The following FER variants were observed in gnomAD, a reference collection of about 807,000 sequenced individuals.
The protein encoded by FER is FER tyrosine kinase, also known as tyrosine-protein kinase Fer.
In FER, 63 loss-of-function variants were observed where a neutral mutation model predicts 111.0. That is an observed-to-expected ratio of 0.57 (90% confidence interval 0.46 to 0.70). The LOEUF is 0.70. Among genes scored for constraint, FER ranks in the 30% least tolerant of loss-of-function variants. The pLI, the probability that FER is intolerant of heterozygous loss-of-function variation, is 0.00. For missense variants in FER, 914 were observed against 954.0 expected (o/e 0.96, Z 0.55); for synonymous variants, 327 against 313.9 (o/e 1.04, Z -0.44).
intron 17 of FER, among the ~76,000 whole-genome samples, chr5:109,147,475 C>T (rs2126670261): frequency 6.6e-6 from 1 of 151,934 alleles, no homozygotes; most frequent in East Asian, 1.9e-4. Flanking sequence ...AGACTACAGA[C>T]ATGCAACATC....
chr5:109,058,116 T>C (rs550526022), intron 16 of FER, among the ~76,000 whole-genome samples: 2 of 152,174 alleles, frequency 1.3e-5, no homozygotes, highest in Non-Finnish European at 2.9e-5. Flanking sequence ...ATATGATTAT[T>C]TAAATGCAGA....
intron 3 of FER, among the ~76,000 whole-genome samples, chr5:108,824,317 TGTC>T (rs1470420008): frequency 2.0e-5 from 3 of 152,120 alleles, no homozygotes; most frequent in Non-Finnish European, 2.9e-5. Context: ...AAAATTCTAA[TGTC>T]GTTTTTTATC....
intron 17 of FER, among the ~76,000 whole-genome samples, chr5:109,123,545 T>C (rs78479322): frequency 0.042 from 6,381 of 152,160 alleles, 165 homozygotes; most frequent in South Asian, 0.084. Context: ...GTATATCTCT[T>C]GTATGTTTTT....
At chr5:109,164,378 T>C (rs372750483) in intron 17 of FER, among the ~76,000 whole-genome samples, 1 of 152,320 alleles carries the variant, frequency 6.6e-6, no homozygotes. Context: ...TCTTTACTAT[T>C]GTTAACTAAG....
intron 17 of FER, among the ~76,000 whole-genome samples, chr5:109,112,107 G>T (rs1190036003): frequency 6.6e-6 from 1 of 150,976 alleles, no homozygotes; most frequent in Non-Finnish European, 1.5e-5. Flanking sequence ...TTAAAAGAGG[G>T]TTATAATGTT....
chr5:108,980,039 A>T (rs73211567), intron 13 of FER, among the ~76,000 whole-genome samples: 1 of 152,102 alleles, frequency 6.6e-6, no homozygotes, highest in Non-Finnish European at 1.5e-5. Context: ...CTAAATTACA[A>T]AACTTTTGTT....
intron 16 of FER, among the ~76,000 whole-genome samples, chr5:109,091,528 C>T (rs950444930): frequency 5.9e-5 from 9 of 152,290 alleles, no homozygotes; most frequent in East Asian, 3.9e-4. Flanking sequence ...CAGAGAGCCC[C>T]GACTAGAGCA....
At chr5:108,941,804 A>T (rs1756310393) in intron 10 of FER, among the ~76,000 whole-genome samples, 1 of 152,158 alleles carries the variant, frequency 6.6e-6, no homozygotes, top group Non-Finnish European at 1.5e-5. Context: ...TGAAGGATGG[A>T]TGAATAGGCA....
Position 109,105,415 on chromosome 5 carries a change from A to G in FER, c.2048+4896A>G, listed in dbSNP as rs1349664089. ...TACCTAGTGTCTGAGCTTTTCCTAA[A>G]CTGTGAGTATACTGAAAAAGTATTT... On this transcript the variant is annotated intron_variant, in intron 17 of 19. Transcript: ENST00000281092. Among the ~76,000 whole-genome samples, 3 of 152,106 alleles carry G rather than the reference A, an allele frequency of 2.0e-5. No homozygotes were observed. In the East Asian group the frequency reaches 5.8e-4, roughly 29 times the overall value.
intron 17 of FER, among the ~76,000 whole-genome samples, chr5:109,152,609 C>A (rs1038562520): frequency 2.0e-5 from 3 of 151,750 alleles, no homozygotes; most frequent in Admixed American, 6.6e-5. Flanking sequence ...TGTGGGTATA[C>A]AATATATAAA....
In FER at chr5:108,764,855, G is replaced by T. The variant is rs186993937; in HGVS notation, c.-205-3238G>T. ...GAAAGAGAAGTAGAGCCAGGACTAG[G>T]GTAAGGCAAGAGAGTTGCCTAGGAC... On this transcript the variant is annotated intron_variant, in intron 1 of 19. Transcript: ENST00000281092. 2.1e-3 allele frequency among the ~76,000 whole-genome samples: 316 copies of T among 152,236 alleles called. 3 individuals are homozygous for T. The highest frequency in any genetic ancestry group is 7.1e-3 in the African/African-American group (293 of 41,534).
intron 8 of FER, among the ~76,000 whole-genome samples, chr5:108,876,235 A>C (rs538087519): frequency 6.6e-6 from 1 of 152,210 alleles, no homozygotes; most frequent in Non-Finnish European, 1.5e-5. Flanking sequence ...GAAGAATTAT[A>C]TTTTGTGACA....
intron 17 of FER, among the ~76,000 whole-genome samples, chr5:109,145,163 C>T (rs551295872): frequency 5.2e-4 from 79 of 152,080 alleles, no homozygotes; most frequent in Non-Finnish European, 9.4e-4. Flanking sequence ...TCCCTCTCTC[C>T]CTTCCTGGTA....
intron 3 of FER, among the ~76,000 whole-genome samples, chr5:108,815,413 G>A (rs970670989): frequency 3.3e-5 from 5 of 152,076 alleles, no homozygotes; most frequent in South Asian, 2.1e-4. Flanking sequence ...GGGTAACAGA[G>A]TTTGTTCTCA....
intron 13 of FER, among the ~76,000 whole-genome samples, chr5:109,001,664 C>T (rs987523106): frequency 4.6e-5 from 7 of 152,044 alleles, no homozygotes; most frequent in Admixed American, 6.6e-5. Context: ...AAATAAAGGG[C>T]ATTCAATTAG....
chr5:108,876,426 A>G (rs1765096312), intron 8 of FER, among the ~76,000 whole-genome samples: 1 of 152,204 alleles, frequency 6.6e-6, no homozygotes, highest in Non-Finnish European at 1.5e-5. Flanking sequence ...GCTTGGCACT[A>G]TACAAATCAC....
At chr5:108,797,195 A>C (rs141229101) in intron 2 of FER, among the ~76,000 whole-genome samples, 326 of 152,076 alleles carry the variant, frequency 2.1e-3, no homozygotes, top group African/African-American at 7.5e-3. Flanking sequence ...ATAGGCGCCT[A>C]ATGACTGCCC....
At chr5:108,777,936 A>G (rs1027608004) in intron 2 of FER, among the ~76,000 whole-genome samples, 1 of 152,164 alleles carries the variant, frequency 6.6e-6, no homozygotes, top group South Asian at 2.1e-4. Context: ...CTCCCACAAC[A>G]TGTGGGAATT....
chr5:109,098,201 G>A (rs1747766954), intron 16 of FER, among the ~76,000 whole-genome samples: 1 of 151,740 alleles, frequency 6.6e-6, no homozygotes, highest in African/African-American at 2.4e-5. Context: ...CTATTTAAGT[G>A]TAGTGTTTTT....
Sources: allele counts gnomAD v4.1 joint callset (sites outside exome capture counted in the v4.1 genomes callset), GRCh38; gene constraint gnomAD v4.1.1; transcripts MANE v1.5; gene names NCBI Gene and HGNC (gene_info 2026-07-23, HGNC 2026-07-21).